The following FRMD4B variants were observed in gnomAD, a reference collection of about 807,000 sequenced individuals.
The protein encoded by FRMD4B is FERM domain-containing protein 4B.
Under a neutral mutation model 141.5 loss-of-function variants are expected in FRMD4B, and 74 were observed. That is an observed-to-expected ratio of 0.52 (90% confidence interval 0.43 to 0.63). The LOEUF (loss-of-function observed/expected upper bound fraction) is 0.63. Ranked by LOEUF, FRMD4B falls within the 30% of genes least tolerant of loss-of-function variation. The probability of loss-of-function intolerance (pLI) is 0.00; values close to 1 mark genes in which losing one functional copy is unlikely to be tolerated. For synonymous variants in FRMD4B, 506 were observed against 467.9 expected (o/e 1.08, Z -1.05); for missense variants, 1,366 against 1,253.4 (o/e 1.09, Z -1.36).
At chr3:69,411,325 C>T (rs1195742546) in intron 2 of FRMD4B, among the ~76,000 whole-genome samples, 4 of 152,100 alleles carry the variant, frequency 2.6e-5, no homozygotes, top group Non-Finnish European at 4.4e-5. Context: ...TTTCATTGTC[C>T]TGAGAGTATT....
intron 1 of FRMD4B, among the ~76,000 whole-genome samples, chr3:69,461,623 C>CAAAAAAAAAAAAAAAAAAA (rs58143332): frequency 2.3e-5 from 1 of 43,466 alleles, no homozygotes; most frequent in Non-Finnish European, 4.0e-5. Flanking sequence ...GACTCTGTCT[C>CAAAAAAAAAAAAAAAAAAA]AAAAAAAAAA....
At position 69,181,646 on chromosome 3, in the gene FRMD4B, G is replaced by C; in HGVS notation, c.2104C>G (p.Leu702Val). 6.2e-7 allele frequency: 1 copy of C among 1,613,334 alleles called. No homozygotes were observed. Among genetic ancestry groups the C allele is most frequent in the Non-Finnish European group, 8.5e-7 (1 of 1,179,282 alleles). The change falls in exon 21 of 23, where the codon CTC becomes GTC. Residue 702 changes from leucine (L) to valine (V), a missense_variant. Transcript: ENST00000398540. ...SGSLESQSHL[L>V]SEMDSDKPFF... ...GGCTTATCGCTGTCCATCTCGGAGAGCAGGTGGGACTGGGACTCCAGGCTT... is the reference window on the plus strand; with the variant it reads ...GGCTTATCGCTGTCCATCTCGGAGACCAGGTGGGACTGGGACTCCAGGCTT...
In FRMD4B at chr3:69,203,320, CAAAAAA is replaced by C. The variant is rs796607832; in HGVS notation, c.877-4552_877-4547del. On this transcript the variant is annotated intron_variant, in intron 11 of 22. Coordinates refer to ENST00000398540, the MANE Select transcript of FRMD4B (RefSeq NM_015123.3). Reference sequence around the variant, plus strand: ...ATCTGAGGGTACTGTCAAACTTCAGCAAAAAAAAAAAAAAAAAAAAAAAAGAAAGAA... The same window carrying C: ...ATCTGAGGGTACTGTCAAACTTCAGCAAAAAAAAAAAAAAAAAAGAAAGAA... 2.1e-4 allele frequency among the ~76,000 whole-genome samples: 23 copies of C among 107,900 alleles called. 1 individual carries two copies. Among genetic ancestry groups the C allele is most frequent in the Admixed American group, 7.6e-4 (7 of 9,216 alleles). 70.8% of individuals were successfully genotyped at this position (107,900 alleles called of 152,430 possible).
intron 3 of FRMD4B, chr3:69,310,392 T>A (rs1255294403): frequency 4.5e-6 from 2 of 444,048 alleles, no homozygotes; most frequent in Non-Finnish European, 9.1e-6. Flanking sequence ...TTGGCCAACA[T>A]ATTTTATGTC....
chr3:69,240,968 C>T (rs4855302), intron 7 of FRMD4B, among the ~76,000 whole-genome samples: 1 of 152,066 alleles, frequency 6.6e-6, no homozygotes, highest in African/African-American at 2.4e-5. Flanking sequence ...CTCAGCCAGC[C>T]GCTACCTGAA....
At chr3:69,425,396 C>T (rs1185998844) in intron 2 of FRMD4B, among the ~76,000 whole-genome samples, 4 of 152,192 alleles carry the variant, frequency 2.6e-5, no homozygotes, top group Non-Finnish European at 4.4e-5. Flanking sequence ...GAGAGACACT[C>T]TCACCTGAAA....
chr3:69,480,756 T>C (rs1253658413), intron 1 of FRMD4B, among the ~76,000 whole-genome samples: 2 of 152,346 alleles, frequency 1.3e-5, no homozygotes, highest in East Asian at 3.9e-4. Flanking sequence ...GACAGGGACA[T>C]TTAAGTCTGC....
chr3:69,229,747 C>T (rs74633073), intron 7 of FRMD4B, among the ~76,000 whole-genome samples: 6,057 of 152,154 alleles, frequency 0.04, 183 homozygotes, highest in East Asian at 0.11. Context: ...CTCACTCTGT[C>T]GCCAGGCTGC....
chr3:69,309,335 C>A (rs191664878), intron 3 of FRMD4B, among the ~76,000 whole-genome samples: 1 of 140,076 alleles, frequency 7.1e-6, no homozygotes, highest in African/African-American at 2.7e-5. Flanking sequence ...GAGATGGGGT[C>A]TCACTATGTT....
chr3:69,228,513 G>C (rs150971587), intron 7 of FRMD4B: 1 of 450,750 alleles, frequency 2.2e-6, no homozygotes, highest in East Asian at 7.0e-5. Flanking sequence ...CTGTGTGATA[G>C]AGATCAAAAC....
intron 7 of FRMD4B, among the ~76,000 whole-genome samples, chr3:69,243,109 T>C (rs777720661): frequency 1.3e-5 from 2 of 152,090 alleles, no homozygotes; most frequent in Non-Finnish European, 2.9e-5. Context: ...TTTGTCTGTG[T>C]TGTGTTACCC....
chr3:69,503,310 A>G (rs1198608932), intron 1 of FRMD4B, among the ~76,000 whole-genome samples: 2 of 152,092 alleles, frequency 1.3e-5, no homozygotes, highest in African/African-American at 4.8e-5. Flanking sequence ...GATAGACTGG[A>G]TTAAGAAAAT....
intron 1 of FRMD4B, among the ~76,000 whole-genome samples, chr3:69,529,755 T>A (rs1247475765): frequency 6.6e-6 from 1 of 152,234 alleles, no homozygotes; most frequent in Non-Finnish European, 1.5e-5. Flanking sequence ...ACTTTACAAA[T>A]AATTACTTTC....
intron 1 of FRMD4B, among the ~76,000 whole-genome samples, chr3:69,493,714 G>A (rs892112198): frequency 6.6e-6 from 1 of 151,618 alleles, no homozygotes; most frequent in African/African-American, 2.4e-5. Flanking sequence ...TCTCTCTCTC[G>A]ATTATAAGCT....
At chr3:69,399,040 A>C (rs184534842) in intron 2 of FRMD4B, among the ~76,000 whole-genome samples, 1 of 152,212 alleles carries the variant, frequency 6.6e-6, no homozygotes, top group East Asian at 1.9e-4. Flanking sequence ...AATTGGATTT[A>C]AAGAAAGAAA....
chr3:69,329,204 G>C (rs1702280025), intron 1 of FRMD4B, among the ~76,000 whole-genome samples: 1 of 152,106 alleles, frequency 6.6e-6, no homozygotes. Context: ...AGAGAATTCT[G>C]TTTGAAGCCC....
chr3:69,433,982 A>G (rs1705220260), intron 1 of FRMD4B, among the ~76,000 whole-genome samples: 1 of 152,218 alleles, frequency 6.6e-6, no homozygotes, highest in South Asian at 2.1e-4. Context: ...AACTTGTAAA[A>G]TGTTACACAG....
chr3:69,230,368 G>A (rs1392083853), intron 7 of FRMD4B, among the ~76,000 whole-genome samples: 2 of 152,044 alleles, frequency 1.3e-5, no homozygotes, highest in African/African-American at 4.8e-5. Flanking sequence ...AGTGTCAATC[G>A]GTACAATCAT....
At chr3:69,411,412 T>C (rs1181061003) in intron 2 of FRMD4B, among the ~76,000 whole-genome samples, 1 of 152,172 alleles carries the variant, frequency 6.6e-6, no homozygotes, top group East Asian at 1.9e-4. Flanking sequence ...CCTGGATGAT[T>C]ATAAATGTAT....
Sources: gnomAD v4.1 joint callset for allele counts (sites outside exome capture counted in the v4.1 genomes callset) on GRCh38, gnomAD v4.1.1 for gene constraint, MANE v1.5 for transcripts, NCBI Gene and HGNC (gene_info 2026-07-23, HGNC 2026-07-21) for gene names.